The following KIAA0232 variants were observed in gnomAD, a reference collection of about 807,000 sequenced individuals.
KIAA0232 encodes uncharacterized protein KIAA0232.
Under a neutral mutation model 122.0 loss-of-function variants are expected in KIAA0232, and 27 were observed. The observed-to-expected ratio is 0.22, with a 90% CI of 0.16 to 0.31. The LOEUF (loss-of-function observed/expected upper bound fraction) is 0.31. KIAA0232 is among the 10% of genes least tolerant of loss of function. The pLI is 1.00. For missense variants in KIAA0232, 1,551 were observed against 1,634.2 expected (o/e 0.95, Z 0.88); for synonymous variants, 613 against 587.6 (o/e 1.04, Z -0.63).
At chr4:6,872,790 A>G (rs4312758) in intron 8 of KIAA0232, among the ~76,000 whole-genome samples, 119,437 of 152,280 alleles carry the variant, frequency 0.78, 48,412 homozygotes, top group Non-Finnish European at 0.91. Context: ...ACTAGCCACG[A>G]TGCCCTGCAC....
chr4:6,876,933 C>A (rs1260809410), intron 9 of KIAA0232, among the ~76,000 whole-genome samples, 176 bp downstream of exon 9: 1 of 152,122 alleles, frequency 6.6e-6, no homozygotes, highest in Non-Finnish European at 1.5e-5. Flanking sequence ...CTGCATTCTC[C>A]CCCGCTTCCA....
intron 2 of KIAA0232, 53 bp from the exon 3 acceptor site, chr4:6,824,132 T>C (rs941432524): frequency 3.8e-5 from 16 of 424,576 alleles, no homozygotes; most frequent in African/African-American, 1.6e-4. Context: ...AAAAGGTCAA[T>C]AATTTATTAT....
intron 2 of KIAA0232, among the ~76,000 whole-genome samples, chr4:6,816,339 G>T (rs552180469): frequency 1.3e-5 from 2 of 150,728 alleles, no homozygotes; most frequent in African/African-American, 4.9e-5. Context: ...CTCGAGTGCA[G>T]TGGCGTGATC....
Position 6,870,694 on chromosome 4 carries a change from C to T in KIAA0232, c.3802-880C>T, listed in dbSNP as rs535225417. 4.7e-4 allele frequency among the ~76,000 whole-genome samples: 72 copies of T among 151,624 alleles called. 1 individual carries two copies. In the Middle Eastern group the frequency reaches 0.01, roughly 21 times the overall value. On this transcript the variant is annotated intron_variant, in intron 7 of 9. Transcript: ENST00000307659. ...GTACATGCCTGTAGTCCCAGCTACTCAGGAAGCTAAGGCACGAGAATCATT... is the reference window on the plus strand; with the variant it reads ...GTACATGCCTGTAGTCCCAGCTACTTAGGAAGCTAAGGCACGAGAATCATT...
chr4:6,858,065 T>C (rs1027496099), intron 5 of KIAA0232, among the ~76,000 whole-genome samples: 5 of 152,364 alleles, frequency 3.3e-5, no homozygotes, highest in African/African-American at 7.2e-5. Context: ...ATGTAAAGTC[T>C]ATGAGTGTAG....
At chr4:6,852,267 G>GT (rs1014557170) in intron 4 of KIAA0232, among the ~76,000 whole-genome samples, 56 of 151,818 alleles carry the variant, frequency 3.7e-4, no homozygotes, top group Admixed American at 1.7e-3. Context: ...ATTTAGAGGA[G>GT]TTTTTTTTCA....
At chr4:6,866,775 T>G (rs1253677625) in intron 7 of KIAA0232, among the ~76,000 whole-genome samples, 1 of 152,246 alleles carries the variant, frequency 6.6e-6, no homozygotes, top group East Asian at 1.9e-4. Flanking sequence ...AGTACCTGTT[T>G]ACATGCCTGT....
chr4:6,824,918 A>G (rs932612448), intron 3 of KIAA0232, among the ~76,000 whole-genome samples: 2 of 152,188 alleles, frequency 1.3e-5, no homozygotes, highest in Admixed American at 1.3e-4. Flanking sequence ...ACTGTTGGTT[A>G]CGTTTTGGCA....
At chr4:6,857,101 A>G (rs1405065557) in intron 4 of KIAA0232, 63 bp from the exon 5 acceptor site, 8 of 1,219,302 alleles carry the variant, frequency 6.6e-6, no homozygotes, top group East Asian at 5.2e-5. Context: ...AAACAAAAGT[A>G]TACAAATACC....
chr4:6,820,938 A>C (rs761679493), intron 2 of KIAA0232, among the ~76,000 whole-genome samples: 3 of 152,166 alleles, frequency 2.0e-5, no homozygotes, highest in South Asian at 2.1e-4. Flanking sequence ...CATGATGGGG[A>C]GGGTAAGAGG....
rs201213140 is a variant in KIAA0232 at position 6,880,992 on chromosome 4, T to C, written c.*26T>C. 2.8e-6 allele frequency: 4 copies of C among 1,426,000 alleles called. No homozygotes were observed. In the East Asian group the frequency reaches 1.1e-4, roughly 38 times the overall value. 88.3% of individuals were successfully genotyped at this position (1,426,000 alleles called of 1,614,324 possible). Reference sequence around the variant, plus strand: ...ACCTGCAAAATAGTACAAATTATTGTTTAAAAATGATATGTGATGGAAAAT... The same window carrying C: ...ACCTGCAAAATAGTACAAATTATTGCTTAAAAATGATATGTGATGGAAAAT... On this transcript the variant is annotated 3_prime_UTR_variant, in exon 10 of 10. Coordinates refer to ENST00000307659, the MANE Select transcript of KIAA0232 (RefSeq NM_014743.3).
At chr4:6,852,800 G>T (rs1291060995) in intron 4 of KIAA0232, among the ~76,000 whole-genome samples, 1 of 152,220 alleles carries the variant, frequency 6.6e-6, no homozygotes, top group Non-Finnish European at 1.5e-5. Flanking sequence ...CATGTGACTG[G>T]TGCTTCAGCA....
chr4:6,835,522 G>C (rs1719217988), intron 3 of KIAA0232, among the ~76,000 whole-genome samples: 1 of 152,142 alleles, frequency 6.6e-6, no homozygotes, highest in Admixed American at 6.5e-5. Context: ...CAATGTGCAG[G>C]TTCGTTACAT....
intron 1 of KIAA0232, among the ~76,000 whole-genome samples, chr4:6,799,225 C>G (rs1326568281): frequency 6.6e-6 from 1 of 151,142 alleles, no homozygotes; most frequent in East Asian, 1.9e-4. Context: ...GTGTGAATTT[C>G]CCTCTTCTTA....
In KIAA0232 at chr4:6,876,847, A is replaced by G. The variant is rs1560213543; in HGVS notation, c.4008+90A>G. 5.9e-6 allele frequency: 5 copies of G among 852,860 alleles called. No homozygotes were observed. The East Asian group carries it at 7.7e-5, about 13-fold the overall frequency. 52.8% of individuals were successfully genotyped at this position (852,860 alleles called of 1,614,324 possible). On this transcript the variant is annotated intron_variant, in intron 9 of 9. Transcript: ENST00000307659. Reference sequence around the variant, plus strand: ...TAGTCAAAAACCTGGGAGTCATGTGAGTGGACCCCACCTCTCCCAGGAACC... The same window carrying G: ...TAGTCAAAAACCTGGGAGTCATGTGGGTGGACCCCACCTCTCCCAGGAACC...
At chr4:6,827,873 CTTCT>C (rs1186257764) in intron 3 of KIAA0232, among the ~76,000 whole-genome samples, 2 of 151,770 alleles carry the variant, frequency 1.3e-5, no homozygotes, top group Non-Finnish European at 2.9e-5. Context: ...ATAAATGTTT[CTTCT>C]TTCTTTTTTT....
At chr4:6,790,181 T>C (rs563577691) in intron 1 of KIAA0232, among the ~76,000 whole-genome samples, 12 of 152,284 alleles carry the variant, frequency 7.9e-5, no homozygotes, top group African/African-American at 2.9e-4. Flanking sequence ...GGAATGACTG[T>C]TGAGATTTCT....
chr4:6,876,999 C>T (rs1337195436), intron 9 of KIAA0232, among the ~76,000 whole-genome samples: 8 of 152,114 alleles, frequency 5.3e-5, no homozygotes, highest in Admixed American at 1.3e-4. Flanking sequence ...GCTCTCTCCC[C>T]AGTCTTGGCT....
intron 8 of KIAA0232, among the ~76,000 whole-genome samples, chr4:6,872,214 CAG>C (rs1721531578): frequency 6.6e-6 from 1 of 152,114 alleles, no homozygotes; most frequent in South Asian, 2.1e-4. Context: ...ATTCTAGTAA[CAG>C]AGTGGAAATG....
Sources: allele counts gnomAD v4.1 joint callset (sites outside exome capture counted in the v4.1 genomes callset), GRCh38; gene constraint gnomAD v4.1.1; transcripts MANE v1.5; gene names NCBI Gene and HGNC (gene_info 2026-07-23, HGNC 2026-07-21).